The following ADGRD1 variants were observed in gnomAD, a reference collection of about 807,000 sequenced individuals.
ADGRD1 encodes the protein G-protein coupled receptor 133.
Under a neutral mutation model 113.4 loss-of-function variants are expected in ADGRD1, and 77 were observed. The observed-to-expected ratio is 0.68, with a 90% CI of 0.57 to 0.82. The LOEUF (loss-of-function observed/expected upper bound fraction) is 0.82. Among genes scored for constraint, ADGRD1 ranks in the 40% least tolerant of loss-of-function variants. ADGRD1 has a pLI of 0.00. For missense variants in ADGRD1, 1,036 were observed against 1,139.1 expected (o/e 0.91, Z 1.30); for synonymous variants, 474 against 475.0 (o/e 1.00, Z 0.03).
At position 130,965,958 on chromosome 12, in the gene ADGRD1, T is replaced by A. The variant is rs1870953086; in HGVS notation, c.104-505T>A. Among the ~76,000 whole-genome samples, 1 of 152,250 alleles carries A rather than the reference T, an allele frequency of 6.6e-6. No individual in the cohort carries two copies. Among genetic ancestry groups the A allele is most frequent in the Non-Finnish European group, 1.5e-5 (1 of 68,050 alleles). On this transcript the variant is annotated intron_variant, in intron 2 of 24. Coordinates refer to ENST00000261654, the MANE Select transcript of ADGRD1 (RefSeq NM_198827.5). This position sits in a 1 kb window ranked among gnomAD's most constrained non-coding sequence, Gnocchi z 4.8. Reference sequence around the variant, plus strand: ...TTACAAATAGGCTAAGAATTCAATTTTCTTATAGATTATTGTTAGCATGAA... The same window carrying A: ...TTACAAATAGGCTAAGAATTCAATTATCTTATAGATTATTGTTAGCATGAA...
At chr12:131,065,921 G>T (rs1222772453) in intron 13 of ADGRD1, among the ~76,000 whole-genome samples, 4 of 152,162 alleles carry the variant, frequency 2.6e-5, no homozygotes, top group African/African-American at 9.7e-5. Context: ...ACCTGGCTCA[G>T]CCCTGGTCTT....
At chr12:131,118,971 T>A (rs1950527489) in intron 19 of ADGRD1, among the ~76,000 whole-genome samples, 1 of 152,158 alleles carries the variant, frequency 6.6e-6, no homozygotes, top group South Asian at 2.1e-4. Flanking sequence ...CAGTATCTCC[T>A]GTTGCCACTT....
chr12:130,960,381 A>G (rs892849136), intron 2 of ADGRD1, among the ~76,000 whole-genome samples: 2 of 152,176 alleles, frequency 1.3e-5, no homozygotes, highest in African/African-American at 4.8e-5. Flanking sequence ...GAGTTTCTAA[A>G]GAACTGTCAG....
intron 5 of ADGRD1, among the ~76,000 whole-genome samples, chr12:130,982,888 G>A (rs1873189849): frequency 6.6e-6 from 1 of 152,158 alleles, no homozygotes; most frequent in Non-Finnish European, 1.5e-5. Context: ...GCCAAGTCAG[G>A]ACTGGAGCCC....
chr12:131,003,285 G>T lies in ADGRD1; in HGVS notation c.1127G>T (p.Gly376Val). Residue 376 changes from glycine (G) to valine (V), a missense_variant, in exon 10 of 25, where the codon GGC becomes GTC. Coordinates refer to ENST00000261654, the MANE Select transcript of ADGRD1 (RefSeq NM_198827.5). This position sits in a 1 kb window ranked among gnomAD's most constrained non-coding sequence, Gnocchi z 4.8. ...HGSTPQVTVE[G>V]SSAMAEFSVA... ...AGCACGCCCCAGGTCACCGTGGAGG[G>T]CTCCTCTGCCATGGCAGGTAGCTGT... is the stretch of plus-strand genomic sequence containing the variant. 1 of 1,612,896 alleles carries T rather than the reference G, an allele frequency of 6.2e-7. No homozygotes were observed. The highest frequency in any genetic ancestry group is 8.5e-7 in the Non-Finnish European group (1 of 1,179,120).
Position 131,140,766 on chromosome 12 carries a change from A to G in ADGRD1, c.*1503A>G, listed in dbSNP as rs1421770860. ...CCACTCATCTGCAGGCCTCTCCTGC[A>G]TGGGGAGGGTAGGCAGGGAGCAGCA... On this transcript the variant is annotated 3_prime_UTR_variant, in exon 25 of 25. Transcript: ENST00000261654. The G allele has an allele frequency of 5.9e-5, 9 of 152,200 alleles. No individual in the cohort carries two copies. Among genetic ancestry groups the G allele is most frequent in the Admixed American group, 5.2e-4 (8 of 15,278 alleles). The allele number at this position is 152,200 out of a possible 1,614,324, so 9.4% of individuals were successfully genotyped here.
rs565329665 is a variant in ADGRD1, at chr12:130,954,677, C to T, written c.103+17C>T. On this transcript the variant is annotated intron_variant, in intron 2 of 24. Coordinates refer to ENST00000261654, the MANE Select transcript of ADGRD1 (RefSeq NM_198827.5). This position sits in a 1 kb window ranked among gnomAD's most constrained non-coding sequence, Gnocchi z 4.7. ...ACCATCCAGGTAAGAGTGTTTCCTT[C>T]TCACTCTGAGCACCGCTCTCCCCCT... 3.0e-5 allele frequency: 48 copies of T among 1,609,224 alleles called. No homozygotes were observed. In the Admixed American group the frequency reaches 7.3e-4, roughly 25 times the overall value.
intron 10 of ADGRD1, among the ~76,000 whole-genome samples, 174 bp from the exon 11 acceptor site, chr12:131,004,012 A>C (rs1876748011): frequency 7.0e-6 from 1 of 142,556 alleles, no homozygotes; most frequent in Non-Finnish European, 1.5e-5. Context: ...TGGGCTCTTC[A>C]TTGCTTTACC....
chr12:131,122,888 T>C (rs1010212665), intron 20 of ADGRD1, among the ~76,000 whole-genome samples: 1 of 152,062 alleles, frequency 6.6e-6, no homozygotes, highest in Non-Finnish European at 1.5e-5. Flanking sequence ...CCCCTGTGTC[T>C]CCCAGCTTCA....
chr12:131,094,909 C>T (rs1051436283), intron 15 of ADGRD1, among the ~76,000 whole-genome samples: 2 of 152,166 alleles, frequency 1.3e-5, no homozygotes, highest in Non-Finnish European at 2.9e-5. Context: ...GGAGCTCACC[C>T]GGGGGAGGCG....
intron 3 of ADGRD1, chr12:130,969,425 T>C: frequency 4.7e-6 from 1 of 214,808 alleles, no homozygotes. Flanking sequence ...CCGCCCGAGC[T>C]CCACCTCCTG....
intron 4 of ADGRD1, chr12:130,973,443 T>A (rs1219145070): frequency 6.6e-6 from 1 of 152,258 alleles, no homozygotes; most frequent in Non-Finnish European, 1.5e-5. Context: ...CCTTTTGGGT[T>A]TATCGCTCAT....
intron 13 of ADGRD1, among the ~76,000 whole-genome samples, chr12:131,054,383 A>G (rs942261301): frequency 3.3e-5 from 5 of 152,150 alleles, no homozygotes; most frequent in African/African-American, 1.2e-4. Context: ...ATGGAATTGT[A>G]TAGTATGTAC....
In ADGRD1 at chr12:130,954,459, G is replaced by C; in HGVS notation, c.-7G>C. 6.5e-7 allele frequency: 1 copy of C among 1,540,498 alleles called. No homozygotes were observed. ...CTTGGCTCCGAGCTTTGACCTCCGA[G>C]AGAGCCATGGAAAAGCTGCTGCGGC... On this transcript the variant is annotated 5_prime_UTR_variant, in exon 1 of 25. Coordinates refer to ENST00000261654, the MANE Select transcript of ADGRD1 (RefSeq NM_198827.5). The surrounding 1 kb of genome is among the most constrained non-coding windows in gnomAD (Gnocchi z 4.7).
chr12:130,976,000 G>A (rs1872260007), intron 4 of ADGRD1, among the ~76,000 whole-genome samples: 1 of 152,176 alleles, frequency 6.6e-6, no homozygotes, highest in African/African-American at 2.4e-5. Context: ...AACTTCTTCT[G>A]CTTATAAACC....
In ADGRD1 at chr12:131,096,167, A is replaced by T. The variant is rs1887269966; in HGVS notation, c.1672-8664A>T. Among the ~76,000 whole-genome samples the T allele has an allele frequency of 6.6e-6, 1 of 152,140 alleles. No homozygotes were observed. The highest frequency in any genetic ancestry group is 1.5e-5 in the Non-Finnish European group (1 of 68,034). ...TGTTCTTTTTTTGTTTGTTTTTAAA[A>T]TTTTCTGTACCTCAATGGATGCAAA... is the stretch of plus-strand genomic sequence containing the variant. On this transcript the variant is annotated intron_variant, in intron 15 of 24. Coordinates refer to ENST00000261654, the MANE Select transcript of ADGRD1 (RefSeq NM_198827.5). This position sits in a 1 kb window ranked among gnomAD's most constrained non-coding sequence, Gnocchi z 5.2.
intron 4 of ADGRD1, chr12:130,978,649 G>T (rs1872604428): frequency 6.6e-6 from 1 of 152,158 alleles, no homozygotes. Context: ...TAAATGAAAA[G>T]CTTGGTTACC....
chr12:130,967,556 A>C (rs1477160187), intron 3 of ADGRD1: 1 of 152,744 alleles, frequency 6.5e-6, no homozygotes, highest in African/African-American at 2.4e-5. Context: ...TTATTTTTAA[A>C]ACCATGTATT....
chr12:131,116,580 C>G lies in ADGRD1; in HGVS notation c.2042-1805C>G, dbSNP rs565187861. Among the ~76,000 whole-genome samples, 3 of 142,988 alleles carry G rather than the reference C, an allele frequency of 2.1e-5. No individual in the cohort carries two copies. In the South Asian group the frequency reaches 6.2e-4, roughly 30 times the overall value. 93.8% of individuals were successfully genotyped at this position (142,988 alleles called of 152,430 possible). ...GCCAGGAGCCACCTTCCCTCCTCCT[C>G]CTTCCTCTGGAGCAGAAATCTCCCA... On this transcript the variant is annotated intron_variant, in intron 18 of 24. Transcript: ENST00000261654.
Sources: allele counts gnomAD v4.1 joint callset (sites outside exome capture counted in the v4.1 genomes callset), GRCh38; gene constraint gnomAD v4.1.1; non-coding constraint Gnocchi (gnomAD v3.1); transcripts MANE v1.5; gene names NCBI Gene and HGNC (gene_info 2026-07-23, HGNC 2026-07-21).